NBEA: variants seen among roughly 807,000 people sequenced by gnomAD.
NBEA encodes lysosomal-trafficking regulator 2.
A neutral mutation model predicts 343.4 loss-of-function variants in NBEA; 44 were observed. The observed-to-expected ratio is 0.13, with a 90% confidence interval of 0.10 to 0.16. The LOEUF (loss-of-function observed/expected upper bound fraction) is 0.16, where lower values mean the gene tolerates loss of function less well. NBEA is among the 10% of genes least tolerant of loss of function. The pLI is 1.00. For missense variants in NBEA, 2,555 were observed against 3,631.3 expected, an observed-to-expected ratio of 0.70 and a Z score of 7.62; for synonymous variants, 1,175 against 1,238.7, an observed-to-expected ratio of 0.95 and a Z score of 1.08.
chr13:35,546,309 A>G (rs2079054934), intron 41 of NBEA, among the ~76,000 whole-genome samples: 1 of 152,170 alleles, frequency 6.6e-6, no homozygotes, highest in African/African-American at 2.4e-5. Context: ...TACTAAAAAT[A>G]CAAAAATTAG....
chr13:34,965,583 A>G lies in NBEA; in HGVS notation c.294+22469A>G, dbSNP rs377765630. ...TCTAAATAGTGTTTTCTTCCTAGAA[A>G]TGTTTTTCTTTCCCAGAAAATTCAT... On this transcript the variant is annotated intron_variant, in intron 1 of 58. Transcript: ENST00000379939. 5.9e-5 allele frequency among the ~76,000 whole-genome samples: 9 copies of G among 151,988 alleles called. No individual in the cohort carries two copies. The East Asian group carries it at 1.3e-3, about 23-fold the overall frequency.
At chr13:35,133,684 T>C (rs1490819388) in intron 17 of NBEA, among the ~76,000 whole-genome samples, 1 of 152,072 alleles carries the variant, frequency 6.6e-6, no homozygotes, top group African/African-American at 2.4e-5. Context: ...GTAAAGCAAG[T>C]TGCAGAAGGA....
chr13:35,158,060 A>G (rs965777251), intron 21 of NBEA, among the ~76,000 whole-genome samples: 8 of 152,180 alleles, frequency 5.3e-5, no homozygotes, highest in African/African-American at 1.7e-4. Flanking sequence ...AAGACAATAC[A>G]TAATGTAAAT....
intron 34 of NBEA, among the ~76,000 whole-genome samples, chr13:35,286,043 C>T (rs1244426629): frequency 6.6e-6 from 1 of 152,102 alleles, no homozygotes; most frequent in Admixed American, 6.6e-5. Flanking sequence ...TTAAATGTCA[C>T]ATTCCCCATA....
chr13:35,130,526 G>A (rs1472532139), intron 17 of NBEA, among the ~76,000 whole-genome samples: 1 of 151,966 alleles, frequency 6.6e-6, no homozygotes, highest in Non-Finnish European at 1.5e-5. Flanking sequence ...AATTCACTAG[G>A]AATGTAAAAG....
intron 1 of NBEA, among the ~76,000 whole-genome samples, chr13:34,967,195 G>C (rs895258168): frequency 6.6e-6 from 1 of 151,810 alleles, no homozygotes; most frequent in Non-Finnish European, 1.5e-5. Context: ...GATTCTAATC[G>C]TGTCTTTGCT....
intron 41 of NBEA, among the ~76,000 whole-genome samples, chr13:35,542,018 C>T (rs116916275): frequency 0.017 from 2,589 of 151,678 alleles, 32 homozygotes; most frequent in Middle Eastern, 0.048. Context: ...AGAGGCAGAC[C>T]CAGGGGAAGC....
intron 38 of NBEA, among the ~76,000 whole-genome samples, chr13:35,380,145 GTAA>G (rs2041936294): frequency 6.6e-6 from 1 of 151,956 alleles, no homozygotes; most frequent in Non-Finnish European, 1.5e-5. Flanking sequence ...ATTTCTCTTG[GTAA>G]TACTTTGTAG....
At chr13:35,641,509 A>G (rs540882076) in intron 49 of NBEA, among the ~76,000 whole-genome samples, 1 of 152,328 alleles carries the variant, frequency 6.6e-6, no homozygotes, top group South Asian at 2.1e-4. Flanking sequence ...TGAACAAACT[A>G]CCGATACATA....
Position 35,232,765 on chromosome 13 carries a change from T to G in NBEA, c.5776+146T>G, listed in dbSNP as rs377410305. On this transcript the variant is annotated intron_variant, in intron 34 of 58. Coordinates refer to ENST00000379939, the MANE Select transcript of NBEA (RefSeq NM_001385012.1). ...TTCTAATAAGATATTCAATATGTTT[T>G]CTCTTCACTCATTTTTTTTAAATAA... 7 of 648,576 alleles carry G rather than the reference T, an allele frequency of 1.1e-5. 1 individual carries two copies. The Admixed American group carries it at 1.5e-4, about 14-fold the overall frequency. The allele number at this position is 648,576 out of a possible 1,614,324, so 40.2% of individuals were successfully genotyped here. A position where few individuals can be genotyped will look rare whatever the true frequency, so the allele number is the denominator to read the frequency against.
At chr13:35,521,745 G>C (rs191743753) in intron 41 of NBEA, among the ~76,000 whole-genome samples, 23 of 152,072 alleles carry the variant, frequency 1.5e-4, no homozygotes, top group African/African-American at 5.3e-4. Flanking sequence ...GGTTTGCCTC[G>C]GCAACAAATG....
intron 28 of NBEA, chr13:35,179,674 C>A: frequency 1.8e-6 from 1 of 562,370 alleles, no homozygotes; most frequent in Non-Finnish European, 2.3e-6. Flanking sequence ...TTCATTCATT[C>A]ATTCCACACA....
intron 17 of NBEA, among the ~76,000 whole-genome samples, chr13:35,130,356 A>G (rs2067349869): frequency 6.6e-6 from 1 of 151,990 alleles, no homozygotes; most frequent in Non-Finnish European, 1.5e-5. Context: ...ATCTCTATGT[A>G]TTTTTTTATG....
chr13:35,639,326 G>A (rs1292986880), intron 49 of NBEA, among the ~76,000 whole-genome samples: 7 of 152,086 alleles, frequency 4.6e-5, no homozygotes, highest in African/African-American at 1.7e-4. Flanking sequence ...TGTTTTTCCA[G>A]CATTAAAAAG....
chr13:35,670,215 G>C lies in NBEA; in HGVS notation c.8814-686G>C, dbSNP rs1323735144. Among the ~76,000 whole-genome samples the C allele has an allele frequency of 2.6e-5, 4 of 152,274 alleles. 1 individual carries two copies. The South Asian group carries it at 8.3e-4, about 32-fold the overall frequency. On this transcript the variant is annotated intron_variant, in intron 58 of 58. Transcript: ENST00000379939. ...ACCTGAGTTCAGTCAGTGGCAGTGG[G>C]ACTGGGGAGGAATATCCCTGAAAAA...
intron 55 of NBEA, among the ~76,000 whole-genome samples, chr13:35,657,986 AATG>A (rs1322915502): frequency 6.6e-6 from 1 of 152,134 alleles, no homozygotes; most frequent in Admixed American, 6.5e-5. Context: ...TGTGTTTTCT[AATG>A]ATCTCTTAAA....
chr13:35,426,203 G>T (rs1209946926), intron 38 of NBEA, among the ~76,000 whole-genome samples: 1 of 152,082 alleles, frequency 6.6e-6, no homozygotes, highest in East Asian at 1.9e-4. Context: ...ATGTCAGCTG[G>T]CTATTTTGCT....
chr13:35,030,988 A>G (rs138658277), intron 1 of NBEA, among the ~76,000 whole-genome samples: 9 of 151,746 alleles, frequency 5.9e-5, no homozygotes, highest in African/African-American at 2.2e-4. Flanking sequence ...CATCTCTGCT[A>G]TTTACATATG....
At chr13:35,522,073 C>T (rs913760351) in intron 41 of NBEA, among the ~76,000 whole-genome samples, 1 of 152,098 alleles carries the variant, frequency 6.6e-6, no homozygotes, top group Non-Finnish European at 1.5e-5. Context: ...CTTCTGAGAA[C>T]AGCAGGGATT....
Sources: gnomAD v4.1 joint callset for allele counts (sites outside exome capture counted in the v4.1 genomes callset) on GRCh38, gnomAD v4.1.1 for gene constraint, MANE v1.5 for transcripts, NCBI Gene and HGNC (gene_info 2026-07-23, HGNC 2026-07-21) for gene names.